The following CENPE variants were observed in gnomAD, a reference collection of about 807,000 sequenced individuals.
The protein encoded by CENPE is centromere-associated protein E.
CENPE carries 145 observed loss-of-function variants against 336.1 expected under a neutral mutation model. The observed-to-expected ratio is 0.43, with a 90% confidence interval of 0.38 to 0.50. The LOEUF is 0.50. Ranked by LOEUF, CENPE falls within the 20% of genes least tolerant of loss-of-function variation. The pLI is 0.00. For missense variants in CENPE, 2,719 were observed against 3,023.3 expected (o/e 0.90, Z 2.36); for synonymous variants, 1,013 against 984.8 (o/e 1.03, Z -0.54).
intron 21 of CENPE, among the ~76,000 whole-genome samples, chr4:103,159,972 A>C (rs1237659899): frequency 6.6e-6 from 1 of 151,936 alleles, no homozygotes; most frequent in Non-Finnish European, 1.5e-5. Context: ...GTGTAGCTAC[A>C]ATCACGGGTT....
rs752784816 is a variant in CENPE, at chr4:103,159,175, A to G, written c.2436T>C (p.Tyr812=). 6 of 1,612,594 alleles carry G rather than the reference A, an allele frequency of 3.7e-6. No homozygotes were observed. In the East Asian group the frequency reaches 1.3e-4, roughly 36 times the overall value. The change falls in exon 22 of 49, where the codon TAT becomes TAC. Residue 812 remains tyrosine, a synonymous_variant. Coordinates refer to ENST00000265148, the MANE Select transcript of CENPE (RefSeq NM_001813.3). ...TTTGGAATTCTTGATCAGTGCTTTTATAATTCGACTGTGTAGTTGCTAGGT... is the reference window on the plus strand; with the variant it reads ...TTTGGAATTCTTGATCAGTGCTTTTGTAATTCGACTGTGTAGTTGCTAGGT... The part of the protein sequence containing the change: ...KDDLATTQSN[Y]KSTDQEFQNF...
At chr4:103,191,818 A>G (rs1757380255) in intron 8 of CENPE, among the ~76,000 whole-genome samples, 1 of 152,144 alleles carries the variant, frequency 6.6e-6, no homozygotes, top group African/African-American at 2.4e-5. Context: ...AAAATAAAAA[A>G]ACGTAAAACT....
intron 5 of CENPE, 25 bp downstream of exon 5, chr4:103,195,089 A>G: frequency 6.5e-7 from 1 of 1,546,956 alleles, no homozygotes; most frequent in Non-Finnish European, 8.6e-7. Context: ...GTCAATTTTA[A>G]AGCTCCCTTA....
At chr4:103,185,770 G>T in intron 9 of CENPE, 40 bp downstream of exon 9, 2 of 1,439,488 alleles carry the variant, frequency 1.4e-6, no homozygotes, top group Non-Finnish European at 1.9e-6. Context: ...TGTAAAATAG[G>T]AAGACATTAA....
intron 24 of CENPE, among the ~76,000 whole-genome samples, chr4:103,153,812 T>C (rs1753753518): frequency 6.6e-6 from 1 of 152,114 alleles, no homozygotes; most frequent in South Asian, 2.1e-4. Context: ...TGTCTCCCAC[T>C]CCCTGCAAAT....
At chr4:103,184,203 T>G (rs1756558241) in intron 9 of CENPE, among the ~76,000 whole-genome samples, 1 of 152,236 alleles carries the variant, frequency 6.6e-6, no homozygotes, top group African/African-American at 2.4e-5. Context: ...GAGGATGGAC[T>G]GGTTTGGTGG....
chr4:103,153,138 A>G lies in CENPE; in HGVS notation c.3146T>C (p.Ile1049Thr). 1 of 1,612,566 alleles carries G rather than the reference A, an allele frequency of 6.2e-7. No individual in the cohort carries two copies. ...TTGTTGGAGTTCATTTTTCTCCTGT[A>G]TTAAAGAAAATATCTTCCTTTGTTG... is the stretch of plus-strand genomic sequence containing the variant. Reference protein sequence around the residue: ...IEQQRKIFSLIQEKNELQQML... With the variant: ...IEQQRKIFSLTQEKNELQQML... The change falls in exon 25 of 49, where the codon ATA becomes ACA. Residue 1049 changes from isoleucine (I) to threonine (T), a missense_variant. Around this residue, in one of 5 missense-constraint regions of CENPE, gnomAD observed 2,437 missense variants for 2,513.3 expected, o/e 0.97. Transcript: ENST00000265148.
chr4:103,186,989 G>A (rs1756832543), intron 8 of CENPE, among the ~76,000 whole-genome samples: 1 of 152,198 alleles, frequency 6.6e-6, no homozygotes, highest in Admixed American at 6.5e-5. Flanking sequence ...GACAGGAAAA[G>A]ACAGAATAAG....
At chr4:103,111,657 G>GAATTCATCTACACTATGTA (rs1749441429) in intron 46 of CENPE, among the ~76,000 whole-genome samples, 1 of 151,294 alleles carries the variant, frequency 6.6e-6, no homozygotes, top group African/African-American at 2.4e-5. Context: ...ATTTTATTTT[G>GAATTCATCTACACTATGTA]AATTCATCTA....
chr4:103,190,159 A>C (rs917019764), intron 8 of CENPE, among the ~76,000 whole-genome samples: 13 of 152,328 alleles, frequency 8.5e-5, no homozygotes, highest in Admixed American at 2.0e-4. Flanking sequence ...AAACAAATGG[A>C]AGAACATTCC....
rs544326830 is a variant in CENPE, at chr4:103,132,782, G to A, written c.6835C>T (p.Arg2279Cys). ...TTTTTAAGCTTTTCTATATCAAAAC[G>A]AGTATTTAACCACTCTTCCAAAAAC... ...TQFLEEWLNTRFDIEKLKNGI... is the reference protein window; with the variant it reads ...TQFLEEWLNTCFDIEKLKNGI... Residue 2279 changes from arginine to cysteine, a missense_variant, in exon 42 of 49, where the codon CGT becomes TGT. Arg to Cys is a radical substitution (Grantham distance 180). Around this residue, in one of 5 missense-constraint regions of CENPE, gnomAD observed 2,437 missense variants for 2,513.3 expected, o/e 0.97. Coordinates refer to ENST00000265148, the MANE Select transcript of CENPE (RefSeq NM_001813.3). 1.5e-5 allele frequency: 23 copies of A among 1,579,318 alleles called. No homozygotes were observed. Among genetic ancestry groups the A allele is most frequent in the Non-Finnish European group, 1.9e-5 (22 of 1,154,666 alleles).
chr4:103,142,978 C>T (rs1172896063), intron 34 of CENPE, among the ~76,000 whole-genome samples: 4 of 130,122 alleles, frequency 3.1e-5, no homozygotes, highest in African/African-American at 1.2e-4. Flanking sequence ...CGTTGCACTC[C>T]AGGCGACAGA....
At position 103,159,229 on chromosome 4, in the gene CENPE, T is replaced by A; in HGVS notation, c.2382A>T (p.Leu794Phe). ...VVHKESRVQG[L>F]LEEIGKTKDD... ...CTTTTGTTTTCCCAATTTCTTCAAGTAAACCTTGAACTCTACTCTCCTTAT... is the reference window on the plus strand; with the variant it reads ...CTTTTGTTTTCCCAATTTCTTCAAGAAAACCTTGAACTCTACTCTCCTTAT... Residue 794 changes from leucine (L) to phenylalanine (F), a missense_variant, in exon 22 of 49, where the codon TTA becomes TTT. Transcript: ENST00000265148. 1 of 1,610,410 alleles carries A rather than the reference T, an allele frequency of 6.2e-7. No homozygotes were observed. The highest frequency in any genetic ancestry group is 8.5e-7 in the Non-Finnish European group (1 of 1,177,112).
chr4:103,151,439 A>G (rs1753562382), intron 25 of CENPE, 62 bp from the exon 26 acceptor site: 6 of 1,223,786 alleles, frequency 4.9e-6, no homozygotes, highest in African/African-American at 1.6e-5. Flanking sequence ...GAAATCAGGT[A>G]AAACATCAGC....
intron 32 of CENPE, 37 bp downstream of exon 32, chr4:103,145,013 T>C: frequency 1.4e-6 from 2 of 1,446,666 alleles, no homozygotes; most frequent in Non-Finnish European, 1.8e-6. Context: ...ACACTATTTC[T>C]GTATCCAAAA....
chr4:103,159,546 G>C (rs913055138), intron 21 of CENPE, among the ~76,000 whole-genome samples: 1 of 151,708 alleles, frequency 6.6e-6, no homozygotes, highest in Non-Finnish European at 1.5e-5. Flanking sequence ...TTGTATTCTA[G>C]AAAGTAAGGT....
chr4:103,192,912 A>C (rs928855675), intron 8 of CENPE, among the ~76,000 whole-genome samples: 2 of 151,738 alleles, frequency 1.3e-5, no homozygotes, highest in Non-Finnish European at 2.9e-5. Flanking sequence ...AATACCTCCA[A>C]GTTTTTTTTT....
rs1294655778 is a variant in CENPE, at chr4:103,145,178, T to C, written c.4729A>G (p.Arg1577Gly). The change falls in exon 32 of 49, where the codon AGA (arginine) becomes GGA (glycine). Residue 1577 changes from arginine to glycine, a missense_variant. By Grantham distance (125) the Arg-to-Gly change is moderately radical. Coordinates refer to ENST00000265148, the MANE Select transcript of CENPE (RefSeq NM_001813.3). ...IESKMLELTN[R>G]LQESQEEIQI... ...ATTTCTTCTTGACTTTCTTGAAGTCTGTTGGTCAACTCGAGCATCTTACTT... is the reference window on the plus strand; with the variant it reads ...ATTTCTTCTTGACTTTCTTGAAGTCCGTTGGTCAACTCGAGCATCTTACTT... The C allele has an allele frequency of 6.2e-7, 1 of 1,613,596 alleles. No individual in the cohort carries two copies. Among genetic ancestry groups the C allele is most frequent in the Non-Finnish European group, 8.5e-7 (1 of 1,179,830 alleles).
intron 43 of CENPE, among the ~76,000 whole-genome samples, chr4:103,122,523 A>G (rs1415814478): frequency 6.6e-6 from 1 of 152,232 alleles, no homozygotes; most frequent in Non-Finnish European, 1.5e-5. Context: ...CTCCAAGCTA[A>G]TATTTGTTCT....
Sources: gnomAD v4.1 joint callset for allele counts (sites outside exome capture counted in the v4.1 genomes callset) on GRCh38, gnomAD v4.1.1 for gene constraint, gnomAD v4.1.1 regional missense constraint, MANE v1.5 for transcripts, NCBI Gene and HGNC (gene_info 2026-07-23, HGNC 2026-07-21) for gene names.